The following ROBO2 variants were observed in gnomAD, a reference collection of about 807,000 sequenced individuals.
The protein encoded by ROBO2 is roundabout guidance receptor 2.
A neutral mutation model predicts 160.8 loss-of-function variants in ROBO2; 53 were observed. The observed-to-expected ratio is 0.33, with a 90% CI of 0.26 to 0.41. The LOEUF (loss-of-function observed/expected upper bound fraction) is 0.41. Ranked by LOEUF, ROBO2 falls within the 10% of genes least tolerant of loss-of-function variation. The pLI is 1.00. For missense variants in ROBO2, 1,577 were observed against 1,722.4 expected, an observed-to-expected ratio of 0.92 and a Z score of 1.49; for synonymous variants, 664 against 611.7, an observed-to-expected ratio of 1.09 and a Z score of -1.26.
chr3:77,297,720 G>A (rs1042498497), intron 2 of ROBO2, among the ~76,000 whole-genome samples: 1 of 152,146 alleles, frequency 6.6e-6, no homozygotes, highest in Non-Finnish European at 1.5e-5. Flanking sequence ...TTGTATCAAT[G>A]CTTCTGCTTT....
intron 2 of ROBO2, among the ~76,000 whole-genome samples, chr3:75,993,368 C>T (rs768546987): frequency 5.3e-5 from 8 of 152,100 alleles, no homozygotes; most frequent in Non-Finnish European, 7.4e-5. Flanking sequence ...AATTCCCCTG[C>T]ACAAGCCCTC....
chr3:76,960,721 C>T (rs914811145), intron 2 of ROBO2, among the ~76,000 whole-genome samples: 11 of 152,060 alleles, frequency 7.2e-5, no homozygotes, highest in African/African-American at 2.7e-4. Flanking sequence ...CTATTTTATG[C>T]ATTGTCACAA....
chr3:76,306,472 G>T (rs1261730866), intron 2 of ROBO2, among the ~76,000 whole-genome samples: 1 of 151,252 alleles, frequency 6.6e-6, no homozygotes, highest in Non-Finnish European at 1.5e-5. Flanking sequence ...AAATTCAGGG[G>T]GTATAATTAG....
At chr3:76,555,977 G>C (rs1578125020) in intron 2 of ROBO2, among the ~76,000 whole-genome samples, 1 of 152,028 alleles carries the variant, frequency 6.6e-6, no homozygotes, top group South Asian at 2.1e-4. Flanking sequence ...TGTAATCTGA[G>C]CTACTTGGCA....
At chr3:77,449,663 G>A (rs1361113982) in intron 2 of ROBO2, among the ~76,000 whole-genome samples, 4 of 152,074 alleles carry the variant, frequency 2.6e-5, no homozygotes, top group African/African-American at 7.2e-5. Flanking sequence ...CAGTTTTTGC[G>A]ATATGCTACA....
At chr3:76,293,041 T>C (rs953075111) in intron 2 of ROBO2, among the ~76,000 whole-genome samples, 1 of 152,054 alleles carries the variant, frequency 6.6e-6, no homozygotes. Flanking sequence ...TTAGGATATA[T>C]AAAAGTTTTT....
chr3:76,454,884 G>T (rs1313553471), intron 2 of ROBO2, among the ~76,000 whole-genome samples: 1 of 151,896 alleles, frequency 6.6e-6, no homozygotes, highest in Non-Finnish European at 1.5e-5. Flanking sequence ...TTATTAAACA[G>T]GCAAAAATTA....
At chr3:77,356,345 G>A (rs2069123835) in intron 2 of ROBO2, among the ~76,000 whole-genome samples, 1 of 151,838 alleles carries the variant, frequency 6.6e-6, no homozygotes, top group Admixed American at 6.6e-5. Context: ...GAGAGAGGGA[G>A]AATGAAAGAG....
chr3:77,335,252 C>A (rs903758634), intron 2 of ROBO2, among the ~76,000 whole-genome samples: 9 of 152,010 alleles, frequency 5.9e-5, no homozygotes, highest in African/African-American at 2.2e-4. Flanking sequence ...ACTAAAAATA[C>A]AGAAATTAGC....
rs2093354947 is a variant in ROBO2 at position 76,714,886 on chromosome 3, T to G, written c.110-383128T>G. On this transcript the variant is annotated intron_variant, in intron 2 of 26. Coordinates refer to the ROBO2 transcript ENST00000487694. Reference sequence around the variant, plus strand: ...CAAGACAGTCTGTTTTTCTTGTTAGTGCCCACCAAGTGTGTATTGAGTAAA... The same window carrying G: ...CAAGACAGTCTGTTTTTCTTGTTAGGGCCCACCAAGTGTGTATTGAGTAAA... 2.0e-5 allele frequency among the ~76,000 whole-genome samples: 3 copies of G among 152,164 alleles called. No homozygotes were observed. In the South Asian group the frequency reaches 6.2e-4, roughly 31 times the overall value.
chr3:76,905,392 A>C (rs985334050), intron 2 of ROBO2, among the ~76,000 whole-genome samples: 1 of 152,326 alleles, frequency 6.6e-6, no homozygotes, highest in South Asian at 2.1e-4. Context: ...GTGTAGAGTT[A>C]AAGAAGGCTT....
chr3:76,781,383 A>T (rs1430798082), intron 2 of ROBO2, among the ~76,000 whole-genome samples: 1 of 150,678 alleles, frequency 6.6e-6, no homozygotes, highest in Non-Finnish European at 1.5e-5. Context: ...TTTCTTTCAA[A>T]CTTGAATGTC....
At chr3:76,665,109 T>C (rs1198824409) in intron 2 of ROBO2, among the ~76,000 whole-genome samples, 1 of 152,220 alleles carries the variant, frequency 6.6e-6, no homozygotes, top group African/African-American at 2.4e-5. Flanking sequence ...TGTATGGAAG[T>C]TATATATAAA....
intron 2 of ROBO2, among the ~76,000 whole-genome samples, chr3:76,840,645 T>TTTTATA (rs1170778663): frequency 8.1e-5 from 11 of 134,980 alleles, no homozygotes; most frequent in African/African-American, 2.2e-4. Flanking sequence ...TAATTATATT[T>TTTTATA]TATATATATA....
chr3:75,986,198 ATTG>A (rs2065408354), intron 2 of ROBO2, among the ~76,000 whole-genome samples: 1 of 144,140 alleles, frequency 6.9e-6, no homozygotes, highest in Middle Eastern at 3.5e-3. Context: ...CTTGCCAACA[ATTG>A]TTATTTTCTG....
intron 2 of ROBO2, among the ~76,000 whole-genome samples, chr3:77,405,104 G>A (rs1238434972): frequency 6.6e-6 from 1 of 152,082 alleles, no homozygotes; most frequent in East Asian, 1.9e-4. Context: ...TGGATCTTCA[G>A]TTATTTTTAA....
chr3:76,929,092 T>C (rs1260325151), intron 2 of ROBO2, among the ~76,000 whole-genome samples: 1 of 152,150 alleles, frequency 6.6e-6, no homozygotes, highest in Admixed American at 6.5e-5. Context: ...AAACCCCATC[T>C]GTACTAAAAA....
At chr3:76,179,486 CATT>C (rs1457552345) in intron 2 of ROBO2, among the ~76,000 whole-genome samples, 1 of 152,148 alleles carries the variant, frequency 6.6e-6, no homozygotes, top group Non-Finnish European at 1.5e-5. Context: ...CACAGTTAAT[CATT>C]GAGCCTTATC....
chr3:76,753,625 A>T (rs78026414), intron 2 of ROBO2, among the ~76,000 whole-genome samples: 4,108 of 152,036 alleles, frequency 0.027, 82 homozygotes, highest in Non-Finnish European at 0.043. Flanking sequence ...GATACTTCAT[A>T]TGCGATTTAT....
Sources: gnomAD v4.1 joint callset for allele counts (sites outside exome capture counted in the v4.1 genomes callset) on GRCh38, gnomAD v4.1.1 for gene constraint, MANE v1.5 for transcripts, NCBI Gene and HGNC (gene_info 2026-07-23, HGNC 2026-07-21) for gene names.